The following RIMBP2 variants were observed in gnomAD, a reference collection of about 807,000 sequenced individuals.
The protein encoded by RIMBP2 is RIMS binding protein 2.
RIMBP2 carries 48 observed loss-of-function variants against 118.6 expected under a neutral mutation model. That is an observed-to-expected ratio of 0.40 (90% CI 0.32 to 0.51). The LOEUF (loss-of-function observed/expected upper bound fraction) is 0.51. RIMBP2 is among the 20% of genes least tolerant of loss of function. The pLI, the probability that RIMBP2 is intolerant of heterozygous loss-of-function variation, is 0.41. For synonymous variants in RIMBP2, 762 were observed against 742.9 expected, an observed-to-expected ratio of 1.03 and a Z score of -0.42; for missense variants, 1,551 against 1,768.3, an observed-to-expected ratio of 0.88 and a Z score of 2.20.
intron 2 of RIMBP2, among the ~76,000 whole-genome samples, chr12:130,608,494 C>T (rs944639234): frequency 1.3e-5 from 2 of 152,218 alleles, no homozygotes; most frequent in Non-Finnish European, 2.9e-5. Context: ...TGGTGTCTCT[C>T]TACTGGGGAG....
At chr12:130,412,544 C>T (rs752418795) in intron 19 of RIMBP2, 75 bp downstream of exon 19, 24 of 1,386,290 alleles carry the variant, frequency 1.7e-5, no homozygotes, top group African/African-American at 7.2e-5. Flanking sequence ...TCCTCATCAC[C>T]GCCTGCCTCT....
At chr12:130,613,833 A>AAAC (rs1555308705) in intron 2 of RIMBP2, among the ~76,000 whole-genome samples, 1 of 150,358 alleles carries the variant, frequency 6.7e-6, no homozygotes, top group Non-Finnish European at 1.5e-5. Context: ...AAAAAAAAAA[A>AAAC]CTCAGTCTCA....
At chr12:130,524,385 G>C (rs1385015440) in intron 2 of RIMBP2, among the ~76,000 whole-genome samples, 1 of 151,854 alleles carries the variant, frequency 6.6e-6, no homozygotes, top group Non-Finnish European at 1.5e-5. Flanking sequence ...CTCAAGCAGA[G>C]CCCAGCCAGG....
intron 3 of RIMBP2, among the ~76,000 whole-genome samples, chr12:130,512,514 G>T (rs1041388752): frequency 3.3e-5 from 5 of 152,126 alleles, no homozygotes; most frequent in Non-Finnish European, 7.4e-5. Flanking sequence ...GTAGAGACAG[G>T]GTTTCTCCAT....
Position 130,456,606 on chromosome 12 carries a change from C to A in RIMBP2, c.248G>T (p.Gly83Val), listed in dbSNP as rs1204637655. 2 of 1,613,696 alleles carry A rather than the reference C, an allele frequency of 1.2e-6. No individual in the cohort carries two copies. The highest frequency in any genetic ancestry group is 1.7e-6 in the Non-Finnish European group (2 of 1,179,852). ...RDLEKFRQHA[G>V]KIDLLGGSAV... ...GCTGCCACCCAGCAGGTCAATCTTG[C>A]CAGCGTGCTGCCGGAACTTCTCCAG... Residue 83 changes from glycine to valine, a missense_variant, in exon 7 of 23, where the codon GGC becomes GTC. Physicochemically the swap from Gly to Val is moderately radical, Grantham distance 109. Transcript: ENST00000690449.
intron 21 of RIMBP2, 31 bp downstream of exon 21, chr12:130,406,141 A>T: frequency 1.6e-6 from 2 of 1,290,100 alleles, no homozygotes; most frequent in Non-Finnish European, 2.2e-6. Context: ...ACAAAAATCA[A>T]ATGGTACTTC....
intron 1 of RIMBP2, among the ~76,000 whole-genome samples, chr12:130,711,314 G>A (rs577531351): frequency 1.3e-5 from 2 of 152,284 alleles, no homozygotes; most frequent in South Asian, 4.1e-4. Flanking sequence ...ATTTTCTGAG[G>A]TTCCTTGTCC....
chr12:130,688,933 C>T lies in RIMBP2; in HGVS notation c.-352+27289G>A, dbSNP rs2065190180. 6.6e-6 allele frequency among the ~76,000 whole-genome samples: 1 copy of T among 152,242 alleles called. No homozygotes were observed. Reference sequence around the variant, plus strand: ...CAGCAGAACTGGAGCGAAGGTCGGTCGCAGGCAGCAGAGAACTGCCCAGTG... The same window carrying T: ...CAGCAGAACTGGAGCGAAGGTCGGTTGCAGGCAGCAGAGAACTGCCCAGTG... On this transcript the variant is annotated intron_variant, in intron 1 of 22. Coordinates refer to ENST00000690449, the MANE Select transcript of RIMBP2 (RefSeq NM_001393629.1). The surrounding 1 kb of genome is among the most constrained non-coding windows in gnomAD (Gnocchi z 4.7).
At chr12:130,414,504 C>A in intron 17 of RIMBP2, 198 bp from the exon 18 acceptor site, 1 of 510,824 alleles carries the variant, frequency 2.0e-6, no homozygotes. Context: ...CACAGCCACA[C>A]TCTGTACCTG....
At chr12:130,539,765 T>C (rs1433551290) in intron 2 of RIMBP2, among the ~76,000 whole-genome samples, 3 of 76,552 alleles carry the variant, frequency 3.9e-5, no homozygotes, top group Non-Finnish European at 7.5e-5. Flanking sequence ...ATGCAGTCCA[T>C]GAAGTGGCCA....
At chr12:130,644,215 G>A (rs1268640932) in intron 1 of RIMBP2, among the ~76,000 whole-genome samples, 3 of 152,086 alleles carry the variant, frequency 2.0e-5, no homozygotes, top group African/African-American at 4.8e-5. Context: ...ACAAGGCCTC[G>A]AACTCACTCA....
At chr12:130,698,242 C>A (rs781499461) in intron 1 of RIMBP2, among the ~76,000 whole-genome samples, 36 of 152,294 alleles carry the variant, frequency 2.4e-4, no homozygotes, top group Admixed American at 1.0e-3. Flanking sequence ...TAGTGAAGCC[C>A]CTTCCTTTGG....
At chr12:130,655,862 G>A (rs374083595) in intron 1 of RIMBP2, among the ~76,000 whole-genome samples, 7 of 152,224 alleles carry the variant, frequency 4.6e-5, no homozygotes, top group Middle Eastern at 3.2e-3. Flanking sequence ...AGGCACAGGC[G>A]ACGGGAATGT....
At position 130,667,140 on chromosome 12, in the gene RIMBP2, AGG is replaced by A. The variant is rs1171648351; in HGVS notation, c.-351-38686_-351-38685del. On this transcript the variant is annotated intron_variant, in intron 1 of 22. Transcript: ENST00000690449. ...GAGGGAGGGAAGGAAGGAGAGAGGG[AGG>A]GAAGGGAGGAAGGGAGGGAAGAAGG... Among the ~76,000 whole-genome samples, 168 of 64,024 alleles carry A rather than the reference AGG, an allele frequency of 2.6e-3. 3 individuals carry two copies. The highest frequency in any genetic ancestry group is 1.1e-3 in the East Asian group (2 of 1,854). 42.0% of individuals were successfully genotyped at this position (64,024 alleles called of 152,430 possible).
intron 1 of RIMBP2, among the ~76,000 whole-genome samples, chr12:130,651,837 G>A (rs546168544): frequency 2.6e-5 from 4 of 152,230 alleles, no homozygotes; most frequent in African/African-American, 9.6e-5. Flanking sequence ...AACAAGTCCT[G>A]TGTCTTAGCA....
intron 19 of RIMBP2, among the ~76,000 whole-genome samples, chr12:130,410,748 C>T (rs1001679990): frequency 1.3e-5 from 2 of 152,198 alleles, no homozygotes; most frequent in Non-Finnish European, 2.9e-5. Flanking sequence ...CACGTTGTCT[C>T]GATTAGCATA....
chr12:130,482,672 C>G (rs1415476743), intron 4 of RIMBP2, among the ~76,000 whole-genome samples: 1 of 152,232 alleles, frequency 6.6e-6, no homozygotes, highest in Non-Finnish European at 1.5e-5. Flanking sequence ...CAAAACAAAG[C>G]AAAACAAAAC....
intron 2 of RIMBP2, among the ~76,000 whole-genome samples, chr12:130,569,658 C>T (rs573379080): frequency 2.0e-5 from 3 of 152,144 alleles, no homozygotes; most frequent in Non-Finnish European, 4.4e-5. Context: ...GAGATCTGGC[C>T]ATTTAAAAGC....
intron 13 of RIMBP2, among the ~76,000 whole-genome samples, chr12:130,435,685 T>G (rs535775527): frequency 6.6e-6 from 1 of 152,336 alleles, no homozygotes; most frequent in African/African-American, 2.4e-5. Flanking sequence ...GCTTCCTTTA[T>G]AGAAAGGCCA....
Sources: allele counts gnomAD v4.1 joint callset (sites outside exome capture counted in the v4.1 genomes callset), GRCh38; gene constraint gnomAD v4.1.1; non-coding constraint Gnocchi (gnomAD v3.1); transcripts MANE v1.5; gene names NCBI Gene and HGNC (gene_info 2026-07-23, HGNC 2026-07-21).